The following AREL1 variants were observed in gnomAD, a reference collection of about 807,000 sequenced individuals.
The protein encoded by AREL1 is apoptosis-resistant E3 ubiquitin protein ligase 1.
In AREL1, 62 loss-of-function variants were observed where a neutral mutation model predicts 99.0. The observed-to-expected ratio is 0.63, with a 90% CI of 0.51 to 0.77. The LOEUF is 0.77. Ranked by LOEUF, AREL1 falls within the 30% of genes least tolerant of loss-of-function variation. AREL1 has a pLI of 0.00. For synonymous variants in AREL1, 380 were observed against 376.5 expected (o/e 1.01, Z -0.11); for missense variants, 879 against 1,027.6 (o/e 0.86, Z 1.98).
chr14:74,709,461 GCCA>G (rs2090243112), intron 1 of AREL1, among the ~76,000 whole-genome samples: 1 of 152,120 alleles, frequency 6.6e-6, no homozygotes, highest in Admixed American at 6.5e-5. Flanking sequence ...TCTCTATTCA[GCCA>G]CCAACCATAC....
At chr14:74,689,592 CTTTTTTT>C (rs1057362002) in intron 2 of AREL1, among the ~76,000 whole-genome samples, 33 of 98,538 alleles carry the variant, frequency 3.3e-4, no homozygotes, top group Middle Eastern at 6.8e-3. Flanking sequence ...TAGCACTTTT[CTTTTTTT>C]TTTTTTTTTT....
rs754798194 is a variant in AREL1 at position 74,675,965 on chromosome 14, T to A, written c.833-19A>T. 2 of 1,564,050 alleles carry A rather than the reference T, an allele frequency of 1.3e-6. No individual in the cohort carries two copies. The highest frequency in any genetic ancestry group is 2.7e-5 in the African/African-American group (2 of 73,290). On this transcript the variant is annotated intron_variant, in intron 7 of 19. Coordinates refer to ENST00000356357, the MANE Select transcript of AREL1 (RefSeq NM_001039479.2). ...TCATCCTCTGAAGTATAATAAGGAATAAGGTTTAAAGTAGAAGTCAGAGAA... is the reference window on the plus strand; with the variant it reads ...TCATCCTCTGAAGTATAATAAGGAAAAAGGTTTAAAGTAGAAGTCAGAGAA...
intron 4 of AREL1, 138 bp from the exon 5 acceptor site, chr14:74,683,671 C>T: frequency 1.4e-6 from 1 of 704,960 alleles, no homozygotes; most frequent in South Asian, 1.8e-5. Flanking sequence ...TCCTCACAGT[C>T]CTGCTCACAA....
At chr14:74,711,871 A>T (rs1358355308) in intron 1 of AREL1, 1 of 152,106 alleles carries the variant, frequency 6.6e-6, no homozygotes, top group East Asian at 1.9e-4. Context: ...GTTAAACAAT[A>T]AACGTGTTTT....
intron 12 of AREL1, among the ~76,000 whole-genome samples, chr14:74,671,166 C>T (rs1010575717): frequency 2.0e-5 from 3 of 152,038 alleles, no homozygotes; most frequent in African/African-American, 7.3e-5. Flanking sequence ...AGAACTCTCT[C>T]TCCAAGTCCC....
rs1464811357 is a variant in AREL1 at position 74,661,436 on chromosome 14, A to G, written c.*2284T>C. ...TCTGGTCTCCTTCAAAGACGCTAAA[A>G]GGCCAGAAGGGTAGCTGGCCCCCCA... On this transcript the variant is annotated 3_prime_UTR_variant, in exon 20 of 20. Transcript: ENST00000356357. The G allele has an allele frequency of 2.9e-5, 11 of 380,232 alleles. No individual in the cohort carries two copies. The highest frequency in any genetic ancestry group is 4.8e-5 in the Non-Finnish European group (9 of 189,432). The allele number at this position is 380,232 out of a possible 1,614,324, so 23.6% of individuals were successfully genotyped here. A position where few individuals can be genotyped will look rare whatever the true frequency, so the allele number is the denominator to read the frequency against.
At chr14:74,710,300 T>C (rs2090256418) in intron 1 of AREL1, among the ~76,000 whole-genome samples, 1 of 152,210 alleles carries the variant, frequency 6.6e-6, no homozygotes, top group Non-Finnish European at 1.5e-5. Flanking sequence ...TATTAGGTAT[T>C]AACAATCAAG....
intron 1 of AREL1, among the ~76,000 whole-genome samples, chr14:74,707,792 C>CAAAA (rs35181427): frequency 1.9e-5 from 2 of 104,616 alleles, no homozygotes; most frequent in Admixed American, 1.0e-4. Context: ...AGATTCGTCT[C>CAAAA]AAAAAAAAAA....
intron 12 of AREL1, 87 bp downstream of exon 12, chr14:74,671,321 C>CGTTTTT: frequency 1.6e-5 from 2 of 123,266 alleles, no homozygotes; most frequent in African/African-American, 6.2e-5. Context: ...GTAAGAGTTG[C>CGTTTTT]TTTTTTTTTT....
chr14:74,698,744 C>A, intron 1 of AREL1: 1 of 179,088 alleles, frequency 5.6e-6, no homozygotes, highest in Admixed American at 5.7e-5. Context: ...AGTAAGCAGG[C>A]TGAGCATGGT....
chr14:74,662,438 G>A lies in AREL1; in HGVS notation c.*1282C>T, dbSNP rs2089105447. On this transcript the variant is annotated 3_prime_UTR_variant, in exon 20 of 20. Coordinates refer to ENST00000356357, the MANE Select transcript of AREL1 (RefSeq NM_001039479.2). ...AAAAACACAAATTTGGGAAGTCAAT[G>A]AGATTTTGAATCTTGAAATTATTTT... is the stretch of plus-strand genomic sequence containing the variant. 2.5e-6 allele frequency: 1 copy of A among 396,944 alleles called. No homozygotes were observed. Among genetic ancestry groups the A allele is most frequent in the African/African-American group, 2.1e-5 (1 of 48,582 alleles). 24.6% of individuals were successfully genotyped at this position (396,944 alleles called of 1,614,324 possible).
intron 1 of AREL1, among the ~76,000 whole-genome samples, chr14:74,707,570 T>C (rs1358196817): frequency 6.6e-6 from 1 of 151,846 alleles, no homozygotes. Context: ...CCCAGGCAGG[T>C]GGGTCACAAG....
intron 14 of AREL1, 59 bp from the exon 15 acceptor site, chr14:74,669,833 C>G: frequency 6.2e-7 from 1 of 1,600,626 alleles, no homozygotes; most frequent in Non-Finnish European, 8.5e-7. Context: ...AAAGGTGTAA[C>G]TGCTTAGAAC....
rs762885076 is a variant in AREL1, at chr14:74,676,323, T to C, written c.652-2A>G. The stretch of plus-strand genomic sequence containing the variant: ...ACTCTCTTCTTCTTGAGGGCCGAGC[T>C]ATAGGAAGGCAACAGAGCATCACTT... On this transcript the variant is annotated splice_acceptor_variant, in intron 6 of 19. Coordinates refer to ENST00000356357, the MANE Select transcript of AREL1 (RefSeq NM_001039479.2). LOFTEE classifies it high-confidence loss of function. 6.8e-6 allele frequency: 11 copies of C among 1,613,644 alleles called. No individual in the cohort carries two copies. The highest frequency in any genetic ancestry group is 1.3e-5 in the African/African-American group (1 of 74,914).
chr14:74,662,489 G>A lies in AREL1; in HGVS notation c.*1231C>T, dbSNP rs945389830. ...CAATCAAACAGTAATGAAAAAGGAT[G>A]TTGTCATCTTCCAAGATACAGCAGC... On this transcript the variant is annotated 3_prime_UTR_variant, in exon 20 of 20. Transcript: ENST00000356357. 5.0e-6 allele frequency: 2 copies of A among 398,692 alleles called. No homozygotes were observed. The highest frequency in any genetic ancestry group is 7.1e-5 in the East Asian group (2 of 28,080). The allele number at this position is 398,692 out of a possible 1,614,324, so 24.7% of individuals were successfully genotyped here.
chr14:74,675,691 G>A lies in AREL1; in HGVS notation c.1080+8C>T, dbSNP rs1377339379. The A allele has an allele frequency of 5.0e-6, 8 of 1,611,118 alleles. No individual in the cohort carries two copies. The highest frequency in any genetic ancestry group is 6.8e-6 in the Non-Finnish European group (8 of 1,177,782). On this transcript the variant is annotated splice_region_variant and intron_variant, in intron 8 of 19. Transcript: ENST00000356357. ...GGGGGATTTTATGTCGAGAATGGAA[G>A]GTCCAACCTTTGGTGACACATAGCA... is the stretch of plus-strand genomic sequence containing the variant.
Position 74,670,744 on chromosome 14 carries a change from C to T in AREL1, c.1608+18G>A, listed in dbSNP as rs748419474. On this transcript the variant is annotated intron_variant, in intron 13 of 19. Transcript: ENST00000356357. ...GATAACATAATCCACATTTTCCACC[C>T]ACCCGTCACCAACTCACTAATGCTT... is the stretch of plus-strand genomic sequence containing the variant. 4.4e-6 allele frequency: 7 copies of T among 1,608,844 alleles called. No individual in the cohort carries two copies. Among genetic ancestry groups the T allele is most frequent in the Non-Finnish European group, 6.0e-6 (7 of 1,175,500 alleles).
At chr14:74,701,570 T>C (rs2139976303) in intron 1 of AREL1, 1 of 152,294 alleles carries the variant, frequency 6.6e-6, no homozygotes, top group Non-Finnish European at 1.5e-5. Flanking sequence ...CCATAACACA[T>C]GAGAATTATG....
At chr14:74,668,644 C>T (rs949526694) in intron 15 of AREL1, among the ~76,000 whole-genome samples, 2 of 151,962 alleles carry the variant, frequency 1.3e-5, no homozygotes, top group South Asian at 2.1e-4. Context: ...GGGTCTAATC[C>T]CATGTGTACA....
Sources: gnomAD v4.1 joint callset for allele counts (sites outside exome capture counted in the v4.1 genomes callset) on GRCh38, gnomAD v4.1.1 for gene constraint, MANE v1.5 for transcripts, NCBI Gene and HGNC (gene_info 2026-07-23, HGNC 2026-07-21) for gene names.